THSD7A: variants seen among roughly 807,000 people sequenced by gnomAD.
THSD7A encodes thrombospondin type 1 domain containing 7A, also known as thrombospondin type-1 domain-containing protein 7A.
Under a neutral mutation model 231.3 loss-of-function variants are expected in THSD7A, and 96 were observed. That is an observed-to-expected ratio of 0.41 (90% CI 0.35 to 0.49). THSD7A has a LOEUF of 0.49. Ranked by LOEUF, THSD7A falls within the 20% of genes least tolerant of loss-of-function variation. THSD7A has a pLI of 0.05. For missense variants in THSD7A, 2,290 were observed against 2,070.2 expected (o/e 1.11, Z -2.06); for synonymous variants, 940 against 743.3 (o/e 1.26, Z -4.30).
At chr7:11,624,165 T>C (rs1781405139) in intron 2 of THSD7A, among the ~76,000 whole-genome samples, 2 of 152,124 alleles carry the variant, frequency 1.3e-5, no homozygotes, top group African/African-American at 4.8e-5. Context: ...GTATTGTCTA[T>C]GTGGTCTCAA....
At chr7:11,451,725 T>C (rs1174406263) in intron 11 of THSD7A, among the ~76,000 whole-genome samples, 2 of 151,978 alleles carry the variant, frequency 1.3e-5, no homozygotes, top group Non-Finnish European at 2.9e-5. Context: ...TAAGAGGACA[T>C]GGATATCTGT....
rs1241901591 is a variant in THSD7A at position 11,374,294 on chromosome 7, C to T, written c.*1500G>A. The T allele has an allele frequency of 6.6e-6, 1 of 152,096 alleles. No individual in the cohort carries two copies. Among genetic ancestry groups the T allele is most frequent in the Non-Finnish European group, 1.5e-5 (1 of 67,984 alleles). 9.4% of individuals were successfully genotyped at this position (152,096 alleles called of 1,614,324 possible). On this transcript the variant is annotated 3_prime_UTR_variant, in exon 28 of 28. Coordinates refer to ENST00000423059, the MANE Select transcript of THSD7A (RefSeq NM_015204.3). The stretch of plus-strand genomic sequence containing the variant: ...ACATAGACCTTGTGGAAAATATTTT[C>T]TATATAGTCCTTTACAGAAAAAGTT...
intron 1 of THSD7A, among the ~76,000 whole-genome samples, chr7:11,655,822 A>G (rs1424337188): frequency 6.6e-6 from 1 of 151,904 alleles, no homozygotes; most frequent in African/African-American, 2.4e-5. Context: ...TCCTTGATTT[A>G]CACTGTGCTG....
At chr7:11,512,770 GC>G (rs1377646771) in intron 6 of THSD7A, among the ~76,000 whole-genome samples, 1 of 109,472 alleles carries the variant, frequency 9.1e-6, no homozygotes, top group African/African-American at 3.7e-5. Context: ...ACACACCCAG[GC>G]CTGTCATGGG....
At chr7:11,692,994 T>TTTTG (rs531274089) in intron 1 of THSD7A, among the ~76,000 whole-genome samples, 3 of 151,498 alleles carry the variant, frequency 2.0e-5, no homozygotes, top group Admixed American at 1.3e-4. Flanking sequence ...TATAAGGTTT[T>TTTTG]TTTGTTTGTT....
intron 6 of THSD7A, among the ~76,000 whole-genome samples, chr7:11,518,565 A>G (rs761215716): frequency 1.3e-5 from 2 of 151,628 alleles, no homozygotes; most frequent in African/African-American, 2.4e-5. Flanking sequence ...AAAAAGTACA[A>G]CAGATCATCC....
intron 2 of THSD7A, among the ~76,000 whole-genome samples, chr7:11,595,127 G>C (rs2128342497): frequency 6.6e-6 from 1 of 152,278 alleles, no homozygotes; most frequent in Admixed American, 6.5e-5. Flanking sequence ...GGCCTCCCCT[G>C]AGGCAGTTGC....
intron 1 of THSD7A, among the ~76,000 whole-genome samples, chr7:11,653,462 G>GTGTGTGTC (rs1782586652): frequency 6.8e-6 from 1 of 147,714 alleles, no homozygotes; most frequent in Non-Finnish European, 1.5e-5. Context: ...GTGTGTGTGT[G>GTGTGTGTC]TGTGTGTGTG....
chr7:11,532,732 T>C (rs1788757861), intron 6 of THSD7A, among the ~76,000 whole-genome samples: 1 of 152,208 alleles, frequency 6.6e-6, no homozygotes, highest in Non-Finnish European at 1.5e-5. Context: ...AAAATGTCCA[T>C]TTAATGTTTT....
intron 9 of THSD7A, among the ~76,000 whole-genome samples, chr7:11,465,468 G>A (rs369380060): frequency 2.0e-5 from 3 of 152,164 alleles, no homozygotes; most frequent in African/African-American, 7.2e-5. Context: ...CAGAAGATAT[G>A]TAATCTCTCA....
At chr7:11,668,987 C>T (rs1783267422) in intron 1 of THSD7A, among the ~76,000 whole-genome samples, 2 of 152,134 alleles carry the variant, frequency 1.3e-5, no homozygotes, top group Non-Finnish European at 2.9e-5. Flanking sequence ...GTGCTGTTGG[C>T]TATTACATGG....
chr7:11,575,804 CT>C (rs1790875088), intron 4 of THSD7A, among the ~76,000 whole-genome samples: 1 of 152,204 alleles, frequency 6.6e-6, no homozygotes, highest in South Asian at 2.1e-4. Context: ...GATATTTCTA[CT>C]AGTGGCCTAT....
rs1408637456 is a variant in THSD7A, at chr7:11,444,817, T to C, written c.3064+1244A>G. On this transcript the variant is annotated intron_variant, in intron 13 of 27. Coordinates refer to ENST00000423059, the MANE Select transcript of THSD7A (RefSeq NM_015204.3). The surrounding 1 kb of genome is among the most constrained non-coding windows in gnomAD (Gnocchi z 4.2). Reference sequence around the variant, plus strand: ...TGTGTGTGTGTGTGTGTATAAACTATATATATAATTAAACTATATATATAA... The same window carrying C: ...TGTGTGTGTGTGTGTGTATAAACTACATATATAATTAAACTATATATATAA... Among the ~76,000 whole-genome samples the C allele has an allele frequency of 3.5e-4, 52 of 147,728 alleles. 3 individuals carry two copies. The Admixed American group carries it at 3.5e-3, about 10-fold the overall frequency.
In THSD7A at chr7:11,778,135, C is replaced by T. The variant is rs1299633921; in HGVS notation, c.190+53622G>A. ...TCCCGCCACTGCACTCCAGCCTGGG[C>T]GACAGAGCGAGACTCCGTCTCAAAA... is the stretch of plus-strand genomic sequence containing the variant. On this transcript the variant is annotated intron_variant, in intron 1 of 27. Coordinates refer to ENST00000423059, the MANE Select transcript of THSD7A (RefSeq NM_015204.3). Among the ~76,000 whole-genome samples, 9 of 92,882 alleles carry T rather than the reference C, an allele frequency of 9.7e-5. No individual in the cohort carries two copies. In the South Asian group the frequency reaches 3.5e-3, roughly 36 times the overall value. 60.9% of individuals were successfully genotyped at this position (92,882 alleles called of 152,430 possible).
intron 1 of THSD7A, among the ~76,000 whole-genome samples, chr7:11,716,868 C>T (rs981551956): frequency 2.0e-5 from 3 of 151,594 alleles, no homozygotes; most frequent in Admixed American, 6.6e-5. Flanking sequence ...GTAATACAAA[C>T]ATAAGACAAT....
chr7:11,647,351 C>T (rs10248610), intron 1 of THSD7A, among the ~76,000 whole-genome samples: 4,872 of 152,070 alleles, frequency 0.032, 248 homozygotes, highest in African/African-American at 0.11. Context: ...AATCCTACTT[C>T]GCCTGAGAGT....
chr7:11,645,312 C>A (rs1223711820), intron 1 of THSD7A, among the ~76,000 whole-genome samples: 4 of 151,732 alleles, frequency 2.6e-5, no homozygotes, highest in Middle Eastern at 3.4e-3. Flanking sequence ...TTTTCTCTGA[C>A]CATTAAAATG....
rs79289934 is a variant in THSD7A, at chr7:11,637,344, C to T, written c.191-383G>A. ...TCATCAAATCCATTTCAGTAACTGG[C>T]AAAGAAAATGGCCCCGTGTGAAGAA... On this transcript the variant is annotated intron_variant, in intron 1 of 27. Transcript: ENST00000423059. The surrounding 1 kb of genome is among the most constrained non-coding windows in gnomAD (Gnocchi z 4.2). Among the ~76,000 whole-genome samples the T allele has an allele frequency of 0.046, 6,933 of 152,236 alleles. 241 individuals are homozygous for T. Among genetic ancestry groups the T allele is most frequent in the Non-Finnish European group, 0.061 (4,120 of 68,008 alleles).
intron 6 of THSD7A, among the ~76,000 whole-genome samples, chr7:11,490,614 A>T (rs6976969): frequency 0.76 from 116,199 of 151,924 alleles, 44,457 homozygotes; most frequent in South Asian, 0.84. Flanking sequence ...AAAGGTGTGA[A>T]AAATGTTTTA....
Sources: gnomAD v4.1 joint callset for allele counts (sites outside exome capture counted in the v4.1 genomes callset) on GRCh38, gnomAD v4.1.1 for gene constraint, Gnocchi (gnomAD v3.1) non-coding constraint, MANE v1.5 for transcripts, NCBI Gene and HGNC (gene_info 2026-07-23, HGNC 2026-07-21) for gene names.